AQP6: variants seen among roughly 807,000 people sequenced by gnomAD.
AQP6 encodes aquaporin-6.
AQP6 carries 14 observed loss-of-function variants against 16.3 expected under a neutral mutation model. The observed-to-expected ratio is 0.86, with a 90% CI of 0.57 to 1.34. The LOEUF is 1.34. AQP6 is among the 40% of genes most tolerant of loss of function. The pLI, the probability that AQP6 is intolerant of heterozygous loss-of-function variation, is 0.00. For missense variants in AQP6, 331 were observed against 379.7 expected (o/e 0.87, Z 1.07); for synonymous variants, 178 against 166.8 (o/e 1.07, Z -0.52).
At chr12:49,973,758 T>C (rs1414144562) in intron 1 of AQP6, among the ~76,000 whole-genome samples, 183 bp downstream of exon 1, 1 of 151,954 alleles carries the variant, frequency 6.6e-6, no homozygotes, top group Non-Finnish European at 1.5e-5. Context: ...CTAGGCAGAA[T>C]AGAAATGGGA....
At position 49,974,413 on chromosome 12, in the gene AQP6, C is replaced by T. The variant is rs111715281; in HGVS notation, c.492C>T (p.Asp164=). The T allele has an allele frequency of 4.3e-6, 7 of 1,613,900 alleles. No homozygotes were observed. The highest frequency in any genetic ancestry group is 3.3e-5 in the Admixed American group (2 of 60,004). The change falls in exon 2 of 4, where the codon GAC becomes GAT. Residue 164 remains aspartate (D), a synonymous_variant. Coordinates refer to ENST00000315520, the MANE Select transcript of AQP6 (RefSeq NM_001652.4). Reference sequence around the variant, plus strand: ...TGCTCTGTGTCTTCGCTTCCACCGACAGCCGTCAGACATCAGGCTCCCCGG... The same window carrying T: ...TGCTCTGTGTCTTCGCTTCCACCGATAGCCGTCAGACATCAGGCTCCCCGG... ...QLVLCVFAST[D]SRQTSGSPAT...
rs1409242521 is a variant in AQP6, at chr12:49,975,063, T to C, written c.642+237T>C. ...AAGTCCTGGCTGTTTCCTTATTCAC[T>C]TTCTCCAGCTGGACCAATTTTCAAA... On this transcript the variant is annotated intron_variant, in intron 3 of 3. Transcript: ENST00000315520. This position sits in a 1 kb window ranked among gnomAD's most constrained non-coding sequence, Gnocchi z 4.4. 2.2e-6 allele frequency: 3 copies of C among 1,352,480 alleles called. No homozygotes were observed. Among genetic ancestry groups the C allele is most frequent in the Non-Finnish European group, 1.9e-6 (2 of 1,055,946 alleles). The allele number at this position is 1,352,480 out of a possible 1,614,324, so 83.8% of individuals were successfully genotyped here. A position where few individuals can be genotyped will look rare whatever the true frequency, so the allele number is the denominator to read the frequency against.
At position 49,975,574 on chromosome 12, in the gene AQP6, G is replaced by T. The variant is rs770828964; in HGVS notation, c.752G>T (p.Gly251Val). ...TLAQRLAILTGTVEVGTGAGA... is the reference protein window; with the variant it reads ...TLAQRLAILTVTVEVGTGAGA... ...GCGCAGCGGCTGGCTATCCTCACAG[G>T]CACCGTAGAGGTGGGGACAGGGGCA... The change falls in exon 4 of 4, where the codon GGC becomes GTC. Residue 251 changes from glycine to valine, a missense_variant. Gly to Val is a moderately radical substitution (Grantham distance 109, BLOSUM62 -3). Transcript: ENST00000315520. The surrounding 1 kb of genome is among the most constrained non-coding windows in gnomAD (Gnocchi z 4.4). 1 of 1,612,964 alleles carries T rather than the reference G, an allele frequency of 6.2e-7. No homozygotes were observed. Among genetic ancestry groups the T allele is most frequent in the Admixed American group, 1.7e-5 (1 of 59,658 alleles).
rs760322147 is a variant in AQP6 at position 49,974,825 on chromosome 12, G to C, written c.641G>C (p.Trp214Ser). The C allele has an allele frequency of 1.9e-6, 3 of 1,614,170 alleles. No individual in the cohort carries two copies. In the South Asian group the frequency reaches 3.3e-5, roughly 18 times the overall value. The part of the protein sequence containing the change: ...AIIIGKFTVH[W>S]VFWVGPLMGA... Reference sequence around the variant, plus strand: ...ATCATTGGGAAGTTCACAGTCCACTGGGTGAGCCCCTCTGCTGGCAGCCCT... The same window carrying C: ...ATCATTGGGAAGTTCACAGTCCACTCGGTGAGCCCCTCTGCTGGCAGCCCT... Residue 214 changes from tryptophan to serine, a missense_variant and splice_region_variant, in exon 3 of 4, where the codon TGG (tryptophan) becomes TCG (serine). By Grantham distance (177) the Trp-to-Ser change is radical (BLOSUM62 -3). Transcript: ENST00000315520.
rs1947569303 is a variant in AQP6 at position 49,975,856 on chromosome 12, C to T, written c.*185C>T. 8 of 781,556 alleles carry T rather than the reference C, an allele frequency of 1.0e-5. No homozygotes were observed. Among genetic ancestry groups the T allele is most frequent in the Non-Finnish European group, 1.5e-5 (8 of 546,748 alleles). 48.4% of individuals were successfully genotyped at this position (781,556 alleles called of 1,614,324 possible). A position where few individuals can be genotyped will look rare whatever the true frequency, so the allele number is the denominator to read the frequency against. ...ATCTGGGAGTGAATTTGTCCCATTCCCTCTCTGTAGGGCTTCCCCACCTCT... is the reference window on the plus strand; with the variant it reads ...ATCTGGGAGTGAATTTGTCCCATTCTCTCTCTGTAGGGCTTCCCCACCTCT... On this transcript the variant is annotated 3_prime_UTR_variant, in exon 4 of 4. Coordinates refer to ENST00000315520, the MANE Select transcript of AQP6 (RefSeq NM_001652.4). The surrounding 1 kb of genome is among the most constrained non-coding windows in gnomAD (Gnocchi z 4.4).
chr12:49,973,131 A>C lies in AQP6; in HGVS notation c.-43A>C. The C allele has an allele frequency of 6.4e-7, 1 of 1,554,630 alleles. No homozygotes were observed. The highest frequency in any genetic ancestry group is 2.3e-5 in the East Asian group (1 of 44,332). ...AGATCAGAGACCAGAGGAACAGAGAAGAGGCCCCAGAGCAAGGCAAGGAAC... is the reference window on the plus strand; with the variant it reads ...AGATCAGAGACCAGAGGAACAGAGACGAGGCCCCAGAGCAAGGCAAGGAAC... On this transcript the variant is annotated 5_prime_UTR_variant, in exon 1 of 4. Coordinates refer to ENST00000315520, the MANE Select transcript of AQP6 (RefSeq NM_001652.4).
chr12:49,973,169 A>G lies in AQP6; in HGVS notation c.-5A>G. Reference sequence around the variant, plus strand: ...CAAGGCAAGGAACGGCCAAGGCACCAGGACATGGATGCAGTGGAGCCAGGG... The same window carrying G: ...CAAGGCAAGGAACGGCCAAGGCACCGGGACATGGATGCAGTGGAGCCAGGG... On this transcript the variant is annotated 5_prime_UTR_variant, in exon 1 of 4. Transcript: ENST00000315520. The G allele has an allele frequency of 6.3e-7, 1 of 1,595,486 alleles. No individual in the cohort carries two copies. The highest frequency in any genetic ancestry group is 8.6e-7 in the Non-Finnish European group (1 of 1,169,062).
chr12:49,973,820 A>G (rs555703783), intron 1 of AQP6: 90 of 1,143,892 alleles, frequency 7.9e-5, no homozygotes, highest in Non-Finnish European at 9.3e-5. Flanking sequence ...AAGGAGAAGG[A>G]ATAGAAGGAC....
intron 1 of AQP6, chr12:49,973,807 A>G: frequency 1.8e-6 from 2 of 1,124,370 alleles, no homozygotes; most frequent in Non-Finnish European, 1.2e-6. Flanking sequence ...AAGAGGCCAC[A>G]TAAAGGAGAA....
At chr12:49,974,633 G>A in intron 2 of AQP6, 113 bp from the exon 3 acceptor site, 1 of 1,450,302 alleles carries the variant, frequency 6.9e-7, no homozygotes, top group Non-Finnish European at 9.4e-7. Context: ...CCCAGGATAT[G>A]GCACTACAGA....
At chr12:49,974,099 A>G in intron 1 of AQP6, 1 of 1,250,378 alleles carries the variant, frequency 8.0e-7, no homozygotes, top group Non-Finnish European at 1.0e-6. Flanking sequence ...CACTGGCCCC[A>G]ACCAACCCAC....
rs1231139343 is a variant in AQP6, at chr12:49,973,130, A to C, written c.-44A>C. On this transcript the variant is annotated 5_prime_UTR_variant, in exon 1 of 4. Transcript: ENST00000315520. ...GAGATCAGAGACCAGAGGAACAGAG[A>C]AGAGGCCCCAGAGCAAGGCAAGGAA... 1.3e-6 allele frequency: 2 copies of C among 1,553,702 alleles called. No individual in the cohort carries two copies. The highest frequency in any genetic ancestry group is 1.7e-6 in the Non-Finnish European group (2 of 1,150,092).
chr12:49,974,402 G>A lies in AQP6; in HGVS notation c.481G>A (p.Ala161Thr), dbSNP rs996142985. The stretch of plus-strand genomic sequence containing the variant: ...CCTGCAGCTGGTGCTCTGTGTCTTC[G>A]CTTCCACCGACAGCCGTCAGACATC... ...LTLQLVLCVF[A>T]STDSRQTSGS... Residue 161 changes from alanine (A) to threonine (T), a missense_variant, in exon 2 of 4, where the codon GCT becomes ACT. By Grantham distance (58) the Ala-to-Thr change is moderately conservative. Coordinates refer to ENST00000315520, the MANE Select transcript of AQP6 (RefSeq NM_001652.4). 10 of 1,613,646 alleles carry A rather than the reference G, an allele frequency of 6.2e-6. No individual in the cohort carries two copies. The highest frequency in any genetic ancestry group is 7.6e-6 in the Non-Finnish European group (9 of 1,179,810).
chr12:49,976,969 G>A lies in AQP6; in HGVS notation c.*1298G>A, dbSNP rs553632979. 18 of 702,184 alleles carry A rather than the reference G, an allele frequency of 2.6e-5. No individual in the cohort carries two copies. The highest frequency in any genetic ancestry group is 2.3e-4 in the Middle Eastern group (1 of 4,364). 43.5% of individuals were successfully genotyped at this position (702,184 alleles called of 1,614,324 possible). A position where few individuals can be genotyped will look rare whatever the true frequency, so the allele number is the denominator to read the frequency against. On this transcript the variant is annotated 3_prime_UTR_variant, in exon 4 of 4. Coordinates refer to ENST00000315520, the MANE Select transcript of AQP6 (RefSeq NM_001652.4). ...GTTGGTTTAATAGTTAAAAGCTGCT[G>A]TAGATTTATTCTGCCCACAACTTGG...
At chr12:49,973,995 C>T in intron 1 of AQP6, 1 of 1,166,034 alleles carries the variant, frequency 8.6e-7, no homozygotes, top group Non-Finnish European at 1.1e-6. Flanking sequence ...CTCGCCCCTT[C>T]TCCATTTCGT....
In AQP6 at chr12:49,975,337, T is replaced by C; in HGVS notation, c.643-128T>C. 4 of 1,460,668 alleles carry C rather than the reference T, an allele frequency of 2.7e-6. No homozygotes were observed. In the Admixed American group the frequency reaches 1.0e-4, roughly 38 times the overall value. The allele number at this position is 1,460,668 out of a possible 1,614,324, so 90.5% of individuals were successfully genotyped here. ...AAACACGACTCGTGGTTCTCAAATT[T>C]AGCACCTTACAGACAGTTGAGGGAG... is the stretch of plus-strand genomic sequence containing the variant. On this transcript the variant is annotated intron_variant, in intron 3 of 3. Transcript: ENST00000315520. The surrounding 1 kb of genome is among the most constrained non-coding windows in gnomAD (Gnocchi z 4.4).
At position 49,973,059 on chromosome 12, in the gene AQP6, G is replaced by A. The variant is rs1592827111; in HGVS notation, c.-115G>A. On this transcript the variant is annotated 5_prime_UTR_variant, in exon 1 of 4. Transcript: ENST00000315520. ...TGGGGGCCAGAGAAGCCTCCACAGA[G>A]AGCAAAAGCCAGGGTCAGCCAGAGA... 2 of 1,403,918 alleles carry A rather than the reference G, an allele frequency of 1.4e-6. No individual in the cohort carries two copies. Among genetic ancestry groups the A allele is most frequent in the East Asian group, 5.0e-5 (2 of 40,134 alleles). 87.0% of individuals were successfully genotyped at this position (1,403,918 alleles called of 1,614,324 possible).
rs1402193154 is a variant in AQP6 at position 49,975,167 on chromosome 12, C to CT, written c.643-297dup. ...AAACAGCAATAGCCAGGACTCCTGGCTAAAACGGGGGAAGTGAGAGGAAAG... is the reference window on the plus strand; with the variant it reads ...AAACAGCAATAGCCAGGACTCCTGGCTTAAAACGGGGGAAGTGAGAGGAAAG... On this transcript the variant is annotated intron_variant, in intron 3 of 3. Coordinates refer to ENST00000315520, the MANE Select transcript of AQP6 (RefSeq NM_001652.4). The surrounding 1 kb of genome is among the most constrained non-coding windows in gnomAD (Gnocchi z 4.4). 2 of 1,282,616 alleles carry CT rather than the reference C, an allele frequency of 1.6e-6. No homozygotes were observed. The highest frequency in any genetic ancestry group is 3.0e-5 in the African/African-American group (2 of 65,956). 79.5% of individuals were successfully genotyped at this position (1,282,616 alleles called of 1,614,324 possible). A position where few individuals can be genotyped will look rare whatever the true frequency, so the allele number is the denominator to read the frequency against.
chr12:49,973,667 G>A (rs770628245), intron 1 of AQP6, 92 bp downstream of exon 1: 19 of 1,444,658 alleles, frequency 1.3e-5, no homozygotes, highest in Non-Finnish European at 1.7e-5. Flanking sequence ...AGGGAGCAAA[G>A]GAGGAAACAA....
Sources: allele counts gnomAD v4.1 joint callset (sites outside exome capture counted in the v4.1 genomes callset), GRCh38; gene constraint gnomAD v4.1.1; non-coding constraint Gnocchi (gnomAD v3.1); transcripts MANE v1.5; gene names NCBI Gene and HGNC (gene_info 2026-07-23, HGNC 2026-07-21).